The following VDAC2 variants were observed in gnomAD, a reference collection of about 807,000 sequenced individuals.
VDAC2 encodes non-selective voltage-gated ion channel VDAC2.
VDAC2 carries 6 observed loss-of-function variants against 36.6 expected under a neutral mutation model. The observed-to-expected ratio is 0.16, with a 90% CI of 0.09 to 0.32. The LOEUF (loss-of-function observed/expected upper bound fraction) is 0.32. Ranked by LOEUF, VDAC2 falls within the 10% of genes least tolerant of loss-of-function variation. The probability of loss-of-function intolerance (pLI) is 1.00; values close to 1 mark genes in which losing one functional copy is unlikely to be tolerated. For missense variants in VDAC2, 247 were observed against 346.0 expected, an observed-to-expected ratio of 0.71 and a Z score of 2.27; for synonymous variants, 109 against 123.8, an observed-to-expected ratio of 0.88 and a Z score of 0.79.
intron 6 of VDAC2, among the ~76,000 whole-genome samples, chr10:75,219,963 G>A (rs1326910050): frequency 6.6e-6 from 1 of 151,226 alleles, no homozygotes; most frequent in African/African-American, 2.4e-5. Context: ...GAGTAGCTGG[G>A]ATCACAGGCA....
intron 8 of VDAC2, chr10:75,229,256 A>G (rs979566434): frequency 6.4e-6 from 1 of 155,362 alleles, no homozygotes; most frequent in Non-Finnish European, 1.4e-5. Context: ...TTTAAACTTT[A>G]TACCCTGTGC....
chr10:75,211,091 G>GCCCTTTGA (rs1242650693), intron 1 of VDAC2, 43 bp from the exon 2 acceptor site: 5 of 1,560,262 alleles, frequency 3.2e-6, no homozygotes, highest in South Asian at 1.2e-5. Flanking sequence ...TCTCCCTTTG[G>GCCCTTTGA]CCCTTTGACC....
intron 8 of VDAC2, among the ~76,000 whole-genome samples, chr10:75,225,287 C>G (rs1310429603): frequency 1.3e-5 from 2 of 152,026 alleles, no homozygotes; most frequent in African/African-American, 4.8e-5. Context: ...CTTCTGTCAA[C>G]CTAAAGGAAG....
chr10:75,213,928 G>A (rs1329856327), intron 3 of VDAC2, 93 bp from the exon 4 acceptor site: 3 of 1,210,366 alleles, frequency 2.5e-6, no homozygotes, highest in Non-Finnish European at 3.6e-6. Flanking sequence ...TGAATATGTG[G>A]AATCTTTTTG....
chr10:75,218,123 A>ATTT (rs1487611278), intron 4 of VDAC2: 1 of 360,716 alleles, frequency 2.8e-6, no homozygotes, highest in Admixed American at 3.8e-5. Flanking sequence ...AGCCCTCCGT[A>ATTT]TTTTTTCTTT....
chr10:75,217,172 G>C (rs1255907458), intron 4 of VDAC2, among the ~76,000 whole-genome samples: 2 of 151,892 alleles, frequency 1.3e-5, no homozygotes, highest in African/African-American at 4.8e-5. Context: ...TAGGAGGATC[G>C]CTTGAGCCCA....
intron 8 of VDAC2, among the ~76,000 whole-genome samples, chr10:75,226,227 C>T (rs1196160092): frequency 6.6e-6 from 1 of 151,892 alleles, no homozygotes; most frequent in South Asian, 2.1e-4. Context: ...ATATATGGAC[C>T]TTTTTGCTGT....
At chr10:75,219,442 A>G (rs1342639964) in intron 6 of VDAC2, 86 bp downstream of exon 6, 8 of 1,098,038 alleles carry the variant, frequency 7.3e-6, no homozygotes, top group Non-Finnish European at 1.1e-5. Context: ...ACTGTTTGAT[A>G]GCTTATTAAG....
chr10:75,211,636 GC>G, intron 2 of VDAC2: 2 of 1,550,596 alleles, frequency 1.3e-6, no homozygotes, highest in Non-Finnish European at 1.7e-6. Context: ...CACAGCATTG[GC>G]CGAGGACTTG....
upstream of VDAC2, among the ~76,000 whole-genome samples, chr10:75,210,450 C>G (rs1010325000): frequency 6.6e-6 from 1 of 152,222 alleles, no homozygotes; most frequent in Non-Finnish European, 1.5e-5. Context: ...GACCCTGGTG[C>G]GCAGCCGCGC....
chr10:75,211,617 C>T (rs1841425485), intron 2 of VDAC2: 9 of 1,550,566 alleles, frequency 5.8e-6, no homozygotes, highest in Non-Finnish European at 7.8e-6. Context: ...ATTGCCTGCC[C>T]TTAAGCAGCA....
intron 8 of VDAC2, among the ~76,000 whole-genome samples, chr10:75,222,872 C>T (rs1455285393): frequency 6.6e-6 from 1 of 151,916 alleles, no homozygotes; most frequent in Non-Finnish European, 1.5e-5. Context: ...CCATATGTTG[C>T]CCATCCTAGG....
chr10:75,211,064 C>T, intron 1 of VDAC2, 70 bp from the exon 2 acceptor site: 2 of 1,421,984 alleles, frequency 1.4e-6, no homozygotes, highest in Non-Finnish European at 1.9e-6. Flanking sequence ...CGGCCCCTCG[C>T]CCCTCTCTGC....
intron 9 of VDAC2, 140 bp from the exon 10 acceptor site, chr10:75,230,758 G>C: frequency 1.6e-6 from 1 of 623,042 alleles, no homozygotes; most frequent in Non-Finnish European, 2.7e-6. Flanking sequence ...GCGCCCTCTG[G>C]TGGCCAGCAC....
chr10:75,211,884 C>T (rs1165830676), intron 2 of VDAC2, among the ~76,000 whole-genome samples: 3 of 152,230 alleles, frequency 2.0e-5, no homozygotes, highest in Non-Finnish European at 4.4e-5. Flanking sequence ...CAGCTCATCT[C>T]AGTGAATTTT....
intron 8 of VDAC2, among the ~76,000 whole-genome samples, chr10:75,225,858 T>A (rs945458786): frequency 6.6e-6 from 1 of 152,124 alleles, no homozygotes; most frequent in African/African-American, 2.4e-5. Context: ...AGTGGCGTGA[T>A]CTCGGCTCAC....
In VDAC2 at chr10:75,221,418, C is replaced by T. The variant is rs115161973; in HGVS notation, c.584+448C>T. On this transcript the variant is annotated intron_variant, in intron 7 of 9. Coordinates refer to ENST00000332211, the MANE Select transcript of VDAC2 (RefSeq NM_001391963.1). ...TGCGATCTCGGCTCACTCCAACATC[C>T]GCCTCCCGGGTTCAAACAATTCTCC... Among the ~76,000 whole-genome samples, 713 of 152,016 alleles carry T rather than the reference C, an allele frequency of 4.7e-3. 5 individuals are homozygous for T. The highest frequency in any genetic ancestry group is 0.016 in the African/African-American group (681 of 41,388).
intron 2 of VDAC2, among the ~76,000 whole-genome samples, chr10:75,211,949 T>C (rs546221812): frequency 1.3e-5 from 2 of 152,366 alleles, no homozygotes; most frequent in East Asian, 3.9e-4. Flanking sequence ...TTTGTACTTG[T>C]CCAGTCCTAG....
At chr10:75,219,990 C>T (rs1326277315) in intron 6 of VDAC2, among the ~76,000 whole-genome samples, 1 of 143,284 alleles carries the variant, frequency 7.0e-6, no homozygotes, top group African/African-American at 2.6e-5. Flanking sequence ...ACCACGCCCA[C>T]CTAATTTTTG....
Sources: allele counts gnomAD v4.1 joint callset (sites outside exome capture counted in the v4.1 genomes callset), GRCh38; gene constraint gnomAD v4.1.1; transcripts MANE v1.5; gene names NCBI Gene and HGNC (gene_info 2026-07-23, HGNC 2026-07-21).